Variants in SMAD1 observed in about 807,000 individuals in gnomAD.
SMAD1 encodes SMAD family member 1, also known as MAD, mothers against decapentaplegic homolog 1.
In SMAD1, 6 loss-of-function variants were observed where a neutral mutation model predicts 41.6. The ratio of observed to expected loss-of-function variants is 0.14; its 90% CI spans 0.08 to 0.28. SMAD1 has a LOEUF of 0.28. Ranked by LOEUF, SMAD1 falls within the 10% of genes least tolerant of loss-of-function variation. The pLI is 1.00. For synonymous variants in SMAD1, 206 were observed against 203.2 expected (o/e 1.01, Z -0.12); for missense variants, 379 against 582.6 (o/e 0.65, Z 3.60).
rs145115148 is a variant in SMAD1, at chr4:145,534,660, C to T, written c.401-5144C>T. Reference sequence around the variant, plus strand: ...AAAGCGGCAACTCCAATCACTGGGTCAAAGATGGGCTTTTAATGAATGGTG... The same window carrying T: ...AAAGCGGCAACTCCAATCACTGGGTTAAAGATGGGCTTTTAATGAATGGTG... On this transcript the variant is annotated intron_variant, in intron 2 of 6. Transcript: ENST00000302085. Among the ~76,000 whole-genome samples the T allele has an allele frequency of 3.7e-3, 567 of 152,264 alleles. 3 individuals are homozygous for T. The highest frequency in any genetic ancestry group is 0.013 in the African/African-American group (536 of 41,550).
chr4:145,508,916 A>G (rs540204357), intron 1 of SMAD1, among the ~76,000 whole-genome samples: 2 of 152,244 alleles, frequency 1.3e-5, no homozygotes, highest in South Asian at 4.1e-4. Flanking sequence ...CTCATGACCT[A>G]ATCACCTCCC....
rs186824431 is a variant in SMAD1, at chr4:145,535,967, C to G, written c.401-3837C>G. On this transcript the variant is annotated intron_variant, in intron 2 of 6. Transcript: ENST00000302085. Reference sequence around the variant, plus strand: ...AGATTTTGAATGAATTTGAATGAATCCAAGTTCTTAGTATACCAAAAAAAA... The same window carrying G: ...AGATTTTGAATGAATTTGAATGAATGCAAGTTCTTAGTATACCAAAAAAAA... Among the ~76,000 whole-genome samples the G allele has an allele frequency of 1.7e-4, 25 of 149,676 alleles. No homozygotes were observed. In the East Asian group the frequency reaches 3.3e-3, roughly 20 times the overall value.
At chr4:145,498,790 A>G (rs558625246) in intron 1 of SMAD1, among the ~76,000 whole-genome samples, 1 of 152,304 alleles carries the variant, frequency 6.6e-6, no homozygotes, top group South Asian at 2.1e-4. Flanking sequence ...ATGAAAGTCC[A>G]TCTGTTTTTT....
At chr4:145,512,328 T>C (rs1428788764) in intron 1 of SMAD1, among the ~76,000 whole-genome samples, 1 of 152,232 alleles carries the variant, frequency 6.6e-6, no homozygotes, top group Non-Finnish European at 1.5e-5. Context: ...TCTAAAAATA[T>C]TGCTCTGTTA....
chr4:145,490,280 A>G (rs1176933890), intron 1 of SMAD1, among the ~76,000 whole-genome samples: 1 of 152,140 alleles, frequency 6.6e-6, no homozygotes, highest in East Asian at 1.9e-4. Context: ...AAGAAACAGA[A>G]TGGGGTCCGA....
At chr4:145,495,952 T>G (rs534481938) in intron 1 of SMAD1, among the ~76,000 whole-genome samples, 5 of 152,138 alleles carry the variant, frequency 3.3e-5, no homozygotes, top group Non-Finnish European at 7.4e-5. Flanking sequence ...TTTAGTGTTC[T>G]ACAGATTCAT....
intron 5 of SMAD1, among the ~76,000 whole-genome samples, 166 bp from the exon 6 acceptor site, chr4:145,553,618 G>T (rs1465960380): frequency 6.6e-6 from 1 of 152,152 alleles, no homozygotes; most frequent in African/African-American, 2.4e-5. Flanking sequence ...ACTGGTCCAT[G>T]GCCCCGGGGG....
chr4:145,510,565 C>G (rs866204589), intron 1 of SMAD1, among the ~76,000 whole-genome samples: 2 of 152,086 alleles, frequency 1.3e-5, no homozygotes, highest in African/African-American at 2.4e-5. Context: ...TTTAGTTATA[C>G]TAAAATCAAA....
chr4:145,522,394 G>A (rs1258253541), intron 2 of SMAD1, among the ~76,000 whole-genome samples: 2 of 152,158 alleles, frequency 1.3e-5, no homozygotes, highest in African/African-American at 4.8e-5. Flanking sequence ...CTTAGGTCGG[G>A]AGTTCGAGAC....
chr4:145,517,339 C>T (rs934222374), intron 2 of SMAD1, among the ~76,000 whole-genome samples: 3 of 152,180 alleles, frequency 2.0e-5, no homozygotes, highest in African/African-American at 4.8e-5. Flanking sequence ...ATGGTCATTA[C>T]TTAATAAACT....
chr4:145,508,135 T>C (rs1204439886), intron 1 of SMAD1, among the ~76,000 whole-genome samples: 3 of 152,020 alleles, frequency 2.0e-5, no homozygotes. Flanking sequence ...ATTGAAGATA[T>C]TACCTTAGTT....
chr4:145,531,717 G>A (rs1051249700), intron 2 of SMAD1, among the ~76,000 whole-genome samples: 2 of 152,164 alleles, frequency 1.3e-5, no homozygotes, highest in African/African-American at 2.4e-5. Flanking sequence ...CGGGAGTCAG[G>A]ACTAGAACTA....
chr4:145,517,348 CTAAG>C (rs1259951728), intron 2 of SMAD1, among the ~76,000 whole-genome samples: 3 of 152,142 alleles, frequency 2.0e-5, no homozygotes, highest in Non-Finnish European at 2.9e-5. Context: ...ACTTAATAAA[CTAAG>C]TAATTGTGTG....
chr4:145,529,037 A>G (rs1731181627), intron 2 of SMAD1, among the ~76,000 whole-genome samples: 1 of 152,184 alleles, frequency 6.6e-6, no homozygotes, highest in South Asian at 2.1e-4. Context: ...ACACATGTAT[A>G]AGCACCATAT....
intron 1 of SMAD1, among the ~76,000 whole-genome samples, chr4:145,488,510 T>A (rs533139348): frequency 1.3e-5 from 2 of 151,718 alleles, no homozygotes; most frequent in Non-Finnish European, 3.0e-5. Flanking sequence ...GTGTGGTTTC[T>A]TTGTGGTGTG....
At chr4:145,485,031 T>C (rs1414855970) in intron 1 of SMAD1, among the ~76,000 whole-genome samples, 1 of 152,246 alleles carries the variant, frequency 6.6e-6, no homozygotes, top group African/African-American at 2.4e-5. Flanking sequence ...AGGGCTCTGC[T>C]ATCCTAGCCA....
At position 145,515,164 on chromosome 4, in the gene SMAD1, G is replaced by GTGTGTGTGTT. The variant is rs1560739704; in HGVS notation, c.400+160_400+161insTTGTGTGTGT. ...TGTGTGTGTGTGTGTGTGTGTGTGT[G>GTGTGTGTGTT]TGTGTGTGTGTGTCTGTGTGAATGC... On this transcript the variant is annotated intron_variant, in intron 2 of 6. Transcript: ENST00000302085. 3 of 724,778 alleles carry GTGTGTGTGTT rather than the reference G, an allele frequency of 4.1e-6. No individual in the cohort carries two copies. The African/African-American group carries it at 5.4e-5, about 13-fold the overall frequency. The allele number at this position is 724,778 out of a possible 1,614,324, so 44.9% of individuals were successfully genotyped here.
At chr4:145,530,642 A>G (rs1350714087) in intron 2 of SMAD1, among the ~76,000 whole-genome samples, 1 of 152,098 alleles carries the variant, frequency 6.6e-6, no homozygotes, top group Non-Finnish European at 1.5e-5. Context: ...GTCTTTTAAT[A>G]TATTTGTACT....
intron 2 of SMAD1, among the ~76,000 whole-genome samples, chr4:145,524,565 G>A (rs188761027): frequency 9.2e-4 from 140 of 152,294 alleles, no homozygotes; most frequent in African/African-American, 3.2e-3. Context: ...TAAGACAGTA[G>A]TCTATAGATC....
Sources: allele counts gnomAD v4.1 joint callset (sites outside exome capture counted in the v4.1 genomes callset), GRCh38; gene constraint gnomAD v4.1.1; transcripts MANE v1.5; gene names NCBI Gene and HGNC (gene_info 2026-07-23, HGNC 2026-07-21).